Variants in SBNO2 observed in about 807,000 individuals in gnomAD.
SBNO2 encodes the protein strawberry notch homolog 2.
SBNO2 carries 89 observed loss-of-function variants against 146.3 expected under a neutral mutation model. The ratio of observed to expected loss-of-function variants is 0.61; its 90% confidence interval spans 0.51 to 0.73. The LOEUF is 0.73. Ranked by LOEUF, SBNO2 falls within the 30% of genes least tolerant of loss-of-function variation. SBNO2 has a pLI of 0.00. For synonymous variants in SBNO2, 1,147 were observed against 892.6 expected (o/e 1.29, Z -5.08); for missense variants, 2,092 against 2,003.7 (o/e 1.04, Z -0.84).
chr19:1,132,347 G>A lies in SBNO2; in HGVS notation c.280-4582C>T, dbSNP rs61612228. 9.0e-4 allele frequency: 1,114 copies of A among 1,241,642 alleles called. 10 individuals are homozygous for A. In the African/African-American group the frequency reaches 0.016, roughly 18 times the overall value. The allele number at this position is 1,241,642 out of a possible 1,614,324, so 76.9% of individuals were successfully genotyped here. On this transcript the variant is annotated intron_variant, in intron 4 of 31. Coordinates refer to ENST00000361757, the MANE Select transcript of SBNO2 (RefSeq NM_014963.3). ...ACTTTCAGGAAATGATGCCGGCCCC[G>A]TAAGTCAGGGCAATTACCGGCAGTG...
At chr19:1,111,639 A>T (rs2079761646) in intron 23 of SBNO2, 25 bp from the exon 24 acceptor site, 1 of 1,528,306 alleles carries the variant, frequency 6.5e-7, no homozygotes, top group East Asian at 2.4e-5. Flanking sequence ...TGACTCGGGG[A>T]GGAGGCCCAG....
intron 4 of SBNO2, among the ~76,000 whole-genome samples, chr19:1,143,963 G>A (rs779561895): frequency 8.5e-5 from 13 of 152,236 alleles, no homozygotes; most frequent in African/African-American, 3.1e-4. Flanking sequence ...GGCTGTAACC[G>A]TGTGGCCAGC....
intron 1 of SBNO2, chr19:1,168,760 A>G (rs1568653170): frequency 6.6e-6 from 1 of 152,218 alleles, no homozygotes; most frequent in African/African-American, 2.4e-5. Context: ...GTCCGGGGCC[A>G]TGGCGGGCAG....
chr19:1,120,354 G>A (rs1335095213), intron 11 of SBNO2, among the ~76,000 whole-genome samples: 2 of 152,132 alleles, frequency 1.3e-5, no homozygotes, highest in Non-Finnish European at 2.9e-5. Context: ...GAGGATACCT[G>A]GAACCTGTTT....
rs753757759 is a variant in SBNO2, at chr19:1,110,738, T to C, written c.3028+7A>G. 238 of 1,612,572 alleles carry C rather than the reference T, an allele frequency of 1.5e-4. No individual in the cohort carries two copies. Among genetic ancestry groups the C allele is most frequent in the Non-Finnish European group, 2.0e-4 (235 of 1,179,436 alleles). Reference sequence around the variant, plus strand: ...CACCCACACCACACCCCGGCACCTGTGCTCACCCAGGATGCCCATGTCGTA... The same window carrying C: ...CACCCACACCACACCCCGGCACCTGCGCTCACCCAGGATGCCCATGTCGTA... On this transcript the variant is annotated splice_region_variant and intron_variant, in intron 26 of 31. Transcript: ENST00000361757. The surrounding 1 kb of genome is among the most constrained non-coding windows in gnomAD (Gnocchi z 4.9).
chr19:1,134,121 C>T (rs1391107114), intron 4 of SBNO2, among the ~76,000 whole-genome samples: 1 of 147,226 alleles, frequency 6.8e-6, no homozygotes, highest in Non-Finnish European at 1.5e-5. Context: ...CATGGGTGGA[C>T]CCACAGCCCA....
chr19:1,157,867 G>A lies in SBNO2; in HGVS notation c.-126-3465C>T, dbSNP rs371569846. ...TCCCAGCTCTCTCTCTTGAGTCCGG[G>A]TAACTGCATCTGCCTCCCAGCTCTC... is the stretch of plus-strand genomic sequence containing the variant. On this transcript the variant is annotated intron_variant, in intron 1 of 31. Coordinates refer to ENST00000361757, the MANE Select transcript of SBNO2 (RefSeq NM_014963.3). The surrounding 1 kb of genome is among the most constrained non-coding windows in gnomAD (Gnocchi z 6.8). Among the ~76,000 whole-genome samples the A allele has an allele frequency of 1.0e-4, 15 of 147,766 alleles. No individual in the cohort carries two copies. The highest frequency in any genetic ancestry group is 3.6e-4 in the African/African-American group (14 of 39,176).
rs762097002 is a variant in SBNO2, at chr19:1,127,722, G to A, written c.323C>T (p.Ser108Phe). ...FEDFSNISIF[S>F]SSVDSLSDIV... The stretch of plus-strand genomic sequence containing the variant: ...GTCCGACAGGGAGTCCACGGACGAG[G>A]AGAAGATGGAGATGTTGGAGAAGTC... The change falls in exon 5 of 32, where the codon TCC (serine) becomes TTC (phenylalanine). Residue 108 changes from serine to phenylalanine, a missense_variant. Physicochemically the swap from Ser to Phe is radical, Grantham distance 155. Transcript: ENST00000361757. The A allele has an allele frequency of 5.0e-6, 8 of 1,613,650 alleles. No individual in the cohort carries two copies. The highest frequency in any genetic ancestry group is 6.8e-6 in the Non-Finnish European group (8 of 1,179,868).
intron 11 of SBNO2, 181 bp from the exon 12 acceptor site, chr19:1,120,204 C>T (rs560915517): frequency 1.1e-4 from 66 of 593,430 alleles, no homozygotes; most frequent in African/African-American, 9.1e-4. Flanking sequence ...GGCGGGCAGG[C>T]GGCCCCCACA....
At chr19:1,131,050 C>A (rs113599780) in intron 4 of SBNO2, among the ~76,000 whole-genome samples, 1,936 of 152,296 alleles carry the variant, frequency 0.013, 26 homozygotes, top group Non-Finnish European at 0.021. Flanking sequence ...CAGCTCCCCC[C>A]ACAGTGGCTC....
rs565599128 is a variant in SBNO2 at position 1,114,458 on chromosome 19, G to A, written c.1886-36C>T. On this transcript the variant is annotated intron_variant, in intron 17 of 31. Transcript: ENST00000361757. ...GGACAGGGTCACCGAGGGCCAGACC[G>A]CAGCAAGGTGGAGGAGCAGGTGGAG... The A allele has an allele frequency of 1.7e-5, 25 of 1,467,028 alleles. No homozygotes were observed. The South Asian group carries it at 2.0e-4, about 12-fold the overall frequency. The allele number at this position is 1,467,028 out of a possible 1,614,324, so 90.9% of individuals were successfully genotyped here. A position where few individuals can be genotyped will look rare whatever the true frequency, so the allele number is the denominator to read the frequency against.
intron 3 of SBNO2, among the ~76,000 whole-genome samples, chr19:1,148,160 T>C (rs1432244196): frequency 6.6e-6 from 1 of 151,878 alleles, no homozygotes; most frequent in South Asian, 2.1e-4. Flanking sequence ...CAGGTCCAGG[T>C]CTCTGCCCAG....
chr19:1,147,015 C>A (rs1215941124), intron 4 of SBNO2, among the ~76,000 whole-genome samples: 1 of 152,158 alleles, frequency 6.6e-6, no homozygotes, highest in Admixed American at 6.5e-5. Context: ...GGGCATCTCT[C>A]CCAGCACCGC....
rs973152547 is a variant in SBNO2 at position 1,158,140 on chromosome 19, C to T, written c.-126-3738G>A. ...CTGGACGCCCCAGGGTCTCACCCCACGCTGTGCAGCAACAGCTCAGCCTCC... is the reference window on the plus strand; with the variant it reads ...CTGGACGCCCCAGGGTCTCACCCCATGCTGTGCAGCAACAGCTCAGCCTCC... On this transcript the variant is annotated intron_variant, in intron 1 of 31. Transcript: ENST00000361757. The surrounding 1 kb of genome is among the most constrained non-coding windows in gnomAD (Gnocchi z 9.9). 1.4e-4 allele frequency among the ~76,000 whole-genome samples: 21 copies of T among 152,226 alleles called. No individual in the cohort carries two copies. The highest frequency in any genetic ancestry group is 4.8e-4 in the African/African-American group (20 of 41,456).
At chr19:1,111,757 C>T (rs930025138) in intron 23 of SBNO2, 143 bp from the exon 24 acceptor site, 1 of 721,254 alleles carries the variant, frequency 1.4e-6, no homozygotes, top group Non-Finnish European at 2.3e-6. Context: ...TCCCCCAGCT[C>T]TCAGCCACCT....
intron 1 of SBNO2, among the ~76,000 whole-genome samples, chr19:1,171,240 C>T (rs554983593): frequency 1.9e-4 from 29 of 152,178 alleles, no homozygotes; most frequent in African/African-American, 5.5e-4. Flanking sequence ...CACAACGCAC[C>T]CACATCCGTA....
chr19:1,147,359 G>A lies in SBNO2; in HGVS notation c.229C>T (p.Pro77Ser), dbSNP rs751772228. ...SQPCPDTSYA[P>S]VATASSLPPK... ...GGCAAGCTGGAGGCGGTGGCCACGG[G>A]GGCATAGCTGGTGTCTGGGCAGGGC... is the stretch of plus-strand genomic sequence containing the variant. The change falls in exon 4 of 32, where the codon CCC (proline) becomes TCC (serine). Residue 77 changes from proline (P) to serine (S), a missense_variant. Transcript: ENST00000361757. 1.2e-5 allele frequency: 19 copies of A among 1,565,138 alleles called. No individual in the cohort carries two copies. Among genetic ancestry groups the A allele is most frequent in the Admixed American group, 9.7e-5 (5 of 51,410 alleles).
rs2080089861 is a variant in SBNO2 at position 1,136,956 on chromosome 19, G to C, written c.280-9191C>G. 6.6e-6 allele frequency among the ~76,000 whole-genome samples: 1 copy of C among 151,504 alleles called. No individual in the cohort carries two copies. The highest frequency in any genetic ancestry group is 2.1e-4 in the South Asian group (1 of 4,816). On this transcript the variant is annotated intron_variant, in intron 4 of 31. Transcript: ENST00000361757. The surrounding 1 kb of genome is among the most constrained non-coding windows in gnomAD (Gnocchi z 4.2). The stretch of plus-strand genomic sequence containing the variant: ...CCGGCAGGTGGAGAGGTCCTCACAG[G>C]ACAGGTGGTGGGCAAGGGGGCAGCA...
At chr19:1,142,119 T>A in intron 4 of SBNO2, among the ~76,000 whole-genome samples, 2 of 38,216 alleles carry the variant, frequency 5.2e-5, no homozygotes, top group Non-Finnish European at 1.1e-4. Flanking sequence ...TCCCTCATGA[T>A]CAACCCTCCC....
Sources: allele counts gnomAD v4.1 joint callset (sites outside exome capture counted in the v4.1 genomes callset), GRCh38; gene constraint gnomAD v4.1.1; non-coding constraint Gnocchi (gnomAD v3.1); transcripts MANE v1.5; gene names NCBI Gene and HGNC (gene_info 2026-07-23, HGNC 2026-07-21).